Variants in PDZD2 observed in about 807,000 individuals in gnomAD.
PDZD2 encodes PDZ domain containing 2.
Under a neutral mutation model 220.7 loss-of-function variants are expected in PDZD2, and 90 were observed. The observed-to-expected ratio is 0.41, with a 90% CI of 0.34 to 0.49. The LOEUF (loss-of-function observed/expected upper bound fraction) is 0.49, where lower values mean the gene tolerates loss of function less well. Among genes scored for constraint, PDZD2 ranks in the 20% least tolerant of loss-of-function variants. The pLI is 0.28. For synonymous variants in PDZD2, 1,375 were observed against 1,450.5 expected, an observed-to-expected ratio of 0.95 and a Z score of 1.18; for missense variants, 3,174 against 3,608.5, an observed-to-expected ratio of 0.88 and a Z score of 3.08.
chr5:31,698,371 G>A (rs1176699275), intron 1 of PDZD2, among the ~76,000 whole-genome samples: 19 of 149,764 alleles, frequency 1.3e-4, no homozygotes, highest in Admixed American at 3.3e-4. Context: ...CGAGGTGGGC[G>A]GATCACGAGG....
intron 2 of PDZD2, among the ~76,000 whole-genome samples, chr5:31,927,454 G>A (rs1320357358): frequency 3.3e-5 from 5 of 152,070 alleles, no homozygotes; most frequent in Admixed American, 1.3e-4. Context: ...GCACTATCTC[G>A]CTCACTGCAG....
chr5:32,059,728 T>C (rs372703972), intron 13 of PDZD2, among the ~76,000 whole-genome samples: 1 of 152,206 alleles, frequency 6.6e-6, no homozygotes, highest in South Asian at 2.1e-4. Flanking sequence ...GCTGAAATGG[T>C]TCAGAATCAC....
At chr5:31,994,299 C>A (rs1054249035) in intron 3 of PDZD2, among the ~76,000 whole-genome samples, 1 of 151,670 alleles carries the variant, frequency 6.6e-6, no homozygotes, top group African/African-American at 2.4e-5. Context: ...TGAGCCACCA[C>A]GCCCAGCCTG....
intron 1 of PDZD2, among the ~76,000 whole-genome samples, chr5:31,794,470 G>A (rs939210473): frequency 8.4e-5 from 12 of 143,524 alleles, no homozygotes; most frequent in South Asian, 4.3e-4. Flanking sequence ...GCACGATCTC[G>A]GCTCACTGCA....
intron 1 of PDZD2, among the ~76,000 whole-genome samples, chr5:31,782,906 GTTT>G (rs1753139114): frequency 6.6e-6 from 1 of 151,762 alleles, no homozygotes. Flanking sequence ...TAGAGACGGG[GTTT>G]CACCATGTTG....
intron 2 of PDZD2, among the ~76,000 whole-genome samples, chr5:31,888,494 A>G (rs968304180): frequency 6.6e-6 from 1 of 152,146 alleles, no homozygotes; most frequent in Non-Finnish European, 1.5e-5. Flanking sequence ...ACCCGGCCCC[A>G]TTGAAGGTTT....
intron 17 of PDZD2, 112 bp downstream of exon 17, chr5:32,072,429 G>A (rs1034722197): frequency 1.0e-4 from 90 of 874,974 alleles, no homozygotes; most frequent in Non-Finnish European, 1.3e-4. Context: ...GCTGTAATAC[G>A]AGAAAAGAGC....
intron 18 of PDZD2, among the ~76,000 whole-genome samples, chr5:32,075,699 C>T (rs751977404): frequency 1.3e-5 from 2 of 152,072 alleles, no homozygotes; most frequent in Non-Finnish European, 2.9e-5. Context: ...TTATAATCTC[C>T]TTAACATAAA....
At chr5:31,743,866 A>T (rs149506296) in intron 1 of PDZD2, 2 of 152,380 alleles carry the variant, frequency 1.3e-5, no homozygotes, top group Non-Finnish European at 2.9e-5. Context: ...TTGCTAATCC[A>T]GACAATGACT....
At chr5:32,056,190 T>C (rs1469880071) in intron 10 of PDZD2, among the ~76,000 whole-genome samples, 1 of 152,230 alleles carries the variant, frequency 6.6e-6, no homozygotes, top group East Asian at 1.9e-4. Flanking sequence ...AATTGAGTAA[T>C]TGGTTATGCC....
intron 2 of PDZD2, among the ~76,000 whole-genome samples, chr5:31,952,709 A>T (rs4867096): frequency 0.093 from 14,112 of 152,266 alleles, 843 homozygotes; most frequent in South Asian, 0.21. Flanking sequence ...ACTTGAACAA[A>T]TCAACTAAAA....
chr5:31,684,080 A>G (rs1046641728), intron 1 of PDZD2, among the ~76,000 whole-genome samples: 1 of 152,104 alleles, frequency 6.6e-6, no homozygotes, highest in Non-Finnish European at 1.5e-5. Context: ...ATCCCTACAG[A>G]TCTATTTTCC....
At chr5:31,944,826 T>C (rs945846225) in intron 2 of PDZD2, among the ~76,000 whole-genome samples, 3 of 152,240 alleles carry the variant, frequency 2.0e-5, no homozygotes, top group Non-Finnish European at 4.4e-5. Context: ...CTTCCTGGCC[T>C]CATGGCCCAT....
chr5:31,727,158 C>T (rs1378309597), intron 1 of PDZD2, among the ~76,000 whole-genome samples: 3 of 152,164 alleles, frequency 2.0e-5, no homozygotes, highest in Non-Finnish European at 2.9e-5. Context: ...CCACCTCCAG[C>T]GCTGGGGATT....
chr5:31,855,022 G>A (rs751885644), intron 2 of PDZD2: 4 of 985,382 alleles, frequency 4.1e-6, no homozygotes, highest in Non-Finnish European at 4.8e-6. Context: ...AGGCCCCCGG[G>A]CCGCCTGCAG....
chr5:31,915,291 C>T lies in PDZD2; in HGVS notation c.477-67864C>T, dbSNP rs978091637. On this transcript the variant is annotated intron_variant, in intron 2 of 24. Coordinates refer to ENST00000438447, the MANE Select transcript of PDZD2 (RefSeq NM_178140.4). ...GAGCCCGTGGCATCTACACTTGGCC[C>T]TTCCTATCAGATTCAGCCTCGTGGC... 2.0e-5 allele frequency among the ~76,000 whole-genome samples: 3 copies of T among 152,166 alleles called. No homozygotes were observed. The East Asian group carries it at 5.8e-4, about 29-fold the overall frequency.
At chr5:31,758,461 C>A (rs1054953596) in intron 1 of PDZD2, among the ~76,000 whole-genome samples, 1 of 152,144 alleles carries the variant, frequency 6.6e-6, no homozygotes, top group Non-Finnish European at 1.5e-5. Flanking sequence ...CAGGCCCTAC[C>A]CTGGGGGACA....
At chr5:32,051,789 T>C (rs1358205653) in intron 8 of PDZD2, among the ~76,000 whole-genome samples, 1 of 152,220 alleles carries the variant, frequency 6.6e-6, no homozygotes, top group Non-Finnish European at 1.5e-5. Flanking sequence ...GCTGCTGCCG[T>C]CTCTCAGCGG....
intron 2 of PDZD2, among the ~76,000 whole-genome samples, chr5:31,890,626 A>G (rs1405525686): frequency 2.0e-5 from 3 of 152,164 alleles, no homozygotes; most frequent in Non-Finnish European, 4.4e-5. Context: ...GGGGACCCCA[A>G]CCACAAAGAG....
Sources: allele counts gnomAD v4.1 joint callset (sites outside exome capture counted in the v4.1 genomes callset), GRCh38; gene constraint gnomAD v4.1.1; transcripts MANE v1.5; gene names NCBI Gene and HGNC (gene_info 2026-07-23, HGNC 2026-07-21).